Variants in KLHL32 observed in about 807,000 individuals in gnomAD.
The protein encoded by KLHL32 is kelch like family member 32.
KLHL32 carries 35 observed loss-of-function variants against 64.8 expected under a neutral mutation model. That is an observed-to-expected ratio of 0.54 (90% CI 0.41 to 0.72). KLHL32 has a LOEUF of 0.72. KLHL32 is among the 30% of genes least tolerant of loss of function. The pLI is 0.00. For synonymous variants in KLHL32, 259 were observed against 281.0 expected, an observed-to-expected ratio of 0.92 and a Z score of 0.78; for missense variants, 589 against 768.5, an observed-to-expected ratio of 0.77 and a Z score of 2.76.
At chr6:97,060,732 C>G (rs923610459) in intron 4 of KLHL32, among the ~76,000 whole-genome samples, 2 of 152,134 alleles carry the variant, frequency 1.3e-5, no homozygotes, top group East Asian at 3.9e-4. Flanking sequence ...GTGCCTCCTA[C>G]CAGGAGGGTG....
At chr6:96,966,078 TC>T (rs1774426573) in intron 1 of KLHL32, among the ~76,000 whole-genome samples, 1 of 152,190 alleles carries the variant, frequency 6.6e-6, no homozygotes, top group African/African-American at 2.4e-5. Flanking sequence ...ATACAAATCA[TC>T]AGAAATAGGC....
chr6:97,126,184 T>C (rs747461675), intron 7 of KLHL32, among the ~76,000 whole-genome samples: 6 of 152,146 alleles, frequency 3.9e-5, no homozygotes, highest in Non-Finnish European at 7.4e-5. Flanking sequence ...TTCTTTGTGA[T>C]ACTGATTAAA....
chr6:96,912,127 C>T, the KLHL32 span, among the ~76,000 whole-genome samples: 3 of 151,992 alleles, frequency 2.0e-5, no homozygotes, highest in African/African-American at 7.2e-5. Context: ...TCTCCTGTGT[C>T]CCTTAGCTCA....
At chr6:96,957,256 G>T (rs553691541) in intron 1 of KLHL32, among the ~76,000 whole-genome samples, 1 of 152,224 alleles carries the variant, frequency 6.6e-6, no homozygotes, top group Non-Finnish European at 1.5e-5. Flanking sequence ...ATTACATCTA[G>T]ATCATAAATT....
At chr6:97,033,310 A>T (rs996526128) in intron 3 of KLHL32, among the ~76,000 whole-genome samples, 1 of 152,166 alleles carries the variant, frequency 6.6e-6, no homozygotes, top group African/African-American at 2.4e-5. Context: ...TTCACTTAGC[A>T]TAATGTCGTC....
chr6:97,031,532 C>T (rs929875522), intron 3 of KLHL32, among the ~76,000 whole-genome samples: 1 of 151,838 alleles, frequency 6.6e-6, no homozygotes, highest in African/African-American at 2.4e-5. Flanking sequence ...GAGATAGGGT[C>T]TTCCTATGTT....
chr6:97,099,639 C>G (rs1795440800), intron 6 of KLHL32, among the ~76,000 whole-genome samples: 1 of 152,208 alleles, frequency 6.6e-6, no homozygotes, highest in Non-Finnish European at 1.5e-5. Context: ...AGGGCTATCT[C>G]TCTACATCTC....
chr6:96,977,593 A>G (rs1775848649), intron 3 of KLHL32, among the ~76,000 whole-genome samples: 1 of 152,186 alleles, frequency 6.6e-6, no homozygotes, highest in Non-Finnish European at 1.5e-5. Context: ...AATTTCCCCC[A>G]GTAAAGCCTA....
intron 8 of KLHL32, 29 bp downstream of exon 8, chr6:97,127,491 T>C: frequency 6.5e-7 from 1 of 1,541,914 alleles, no homozygotes; most frequent in Non-Finnish European, 9.0e-7. Flanking sequence ...CACCTCATTA[T>C]CTTAATTAAT....
intron 5 of KLHL32, among the ~76,000 whole-genome samples, chr6:97,069,544 GT>G (rs1790371797): frequency 6.6e-6 from 1 of 151,956 alleles, no homozygotes; most frequent in Admixed American, 6.6e-5. Context: ...TCTGCACATG[GT>G]TTAATGTAGT....
At chr6:96,979,979 A>G (rs1776121347) in intron 3 of KLHL32, among the ~76,000 whole-genome samples, 1 of 136,452 alleles carries the variant, frequency 7.3e-6, no homozygotes, top group Non-Finnish European at 1.5e-5. Flanking sequence ...GTTGGTGTAT[A>G]GAAATGCTAC....
intron 1 of KLHL32, among the ~76,000 whole-genome samples, chr6:96,934,213 T>G (rs1021995664): frequency 8.5e-5 from 13 of 152,212 alleles, no homozygotes; most frequent in African/African-American, 4.8e-5. Context: ...GACCTGAGGT[T>G]GTTTCGAAAA....
At chr6:97,005,573 G>A (rs1444478834) in intron 3 of KLHL32, among the ~76,000 whole-genome samples, 1 of 151,946 alleles carries the variant, frequency 6.6e-6, no homozygotes, top group African/African-American at 2.4e-5. Context: ...TGTGATATTA[G>A]GTTGTTAATT....
At chr6:97,004,904 A>AT (rs1255234433) in intron 3 of KLHL32, among the ~76,000 whole-genome samples, 1 of 151,338 alleles carries the variant, frequency 6.6e-6, no homozygotes, top group Non-Finnish European at 1.5e-5. Flanking sequence ...TTTTGCATCT[A>AT]TGTTCATCAA....
chr6:97,079,990 TGA>T lies in KLHL32; in HGVS notation c.412-5133_412-5132del, dbSNP rs1266277710. Among the ~76,000 whole-genome samples the T allele has an allele frequency of 4.6e-5, 7 of 152,342 alleles. No homozygotes were observed. The East Asian group carries it at 1.3e-3, about 29-fold the overall frequency. On this transcript the variant is annotated intron_variant, in intron 5 of 10. Coordinates refer to ENST00000369261, the MANE Select transcript of KLHL32 (RefSeq NM_052904.4). ...TTTAAGTCACAGAATGCAGGAGAGC[TGA>T]GACAATCTCGTAATTAGGAAAAAGT...
chr6:97,064,525 C>T lies in KLHL32; in HGVS notation c.313-103C>T, dbSNP rs958429458. The T allele has an allele frequency of 3.4e-4, 256 of 760,534 alleles. 1 individual carries two copies. Among genetic ancestry groups the T allele is most frequent in the Non-Finnish European group, 4.8e-4 (217 of 455,762 alleles). The allele number at this position is 760,534 out of a possible 1,614,324, so 47.1% of individuals were successfully genotyped here. A position where few individuals can be genotyped will look rare whatever the true frequency, so the allele number is the denominator to read the frequency against. On this transcript the variant is annotated intron_variant, in intron 4 of 10. Coordinates refer to ENST00000369261, the MANE Select transcript of KLHL32 (RefSeq NM_052904.4). ...GAACAGTGTTAATTGAAATAGAGTACGTAAAGCAGCAATTTAAATATACTA... is the reference window on the plus strand; with the variant it reads ...GAACAGTGTTAATTGAAATAGAGTATGTAAAGCAGCAATTTAAATATACTA...
intron 7 of KLHL32, among the ~76,000 whole-genome samples, chr6:97,120,284 G>A (rs1798227786): frequency 6.6e-6 from 1 of 152,150 alleles, no homozygotes; most frequent in South Asian, 2.1e-4. Flanking sequence ...GGAACCTGAG[G>A]AGGTTTCTTG....
chr6:97,008,778 T>C (rs6916905), intron 3 of KLHL32, among the ~76,000 whole-genome samples: 37,038 of 151,848 alleles, frequency 0.24, 5,793 homozygotes, highest in East Asian at 0.53. Flanking sequence ...CCCTCCAGCC[T>C]GGCCTCTATG....
chr6:96,941,926 T>C (rs1242295005), intron 1 of KLHL32, among the ~76,000 whole-genome samples: 1 of 152,214 alleles, frequency 6.6e-6, no homozygotes, highest in East Asian at 1.9e-4. Flanking sequence ...ATCAAATAAA[T>C]GGTCCAGATC....
Sources: gnomAD v4.1 joint callset for allele counts (sites outside exome capture counted in the v4.1 genomes callset) on GRCh38, gnomAD v4.1.1 for gene constraint, MANE v1.5 for transcripts, NCBI Gene and HGNC (gene_info 2026-07-23, HGNC 2026-07-21) for gene names.